Variants in PLEKHD1 observed in about 807,000 individuals in gnomAD.
The protein encoded by PLEKHD1 is pleckstrin homology domain-containing family D member 1.
PLEKHD1 carries 51 observed loss-of-function variants against 69.2 expected under a neutral mutation model. The observed-to-expected ratio is 0.74, with a 90% confidence interval of 0.59 to 0.93. The LOEUF is 0.93. Ranked by LOEUF, PLEKHD1 falls within the 40% of genes least tolerant of loss-of-function variation. The probability of loss-of-function intolerance (pLI) is 0.00; values close to 1 mark genes in which losing one functional copy is unlikely to be tolerated. For synonymous variants in PLEKHD1, 236 were observed against 244.7 expected (o/e 0.96, Z 0.33); for missense variants, 584 against 641.0 (o/e 0.91, Z 0.96).
chr14:69,478,344 A>G, the PLEKHD1 span, among the ~76,000 whole-genome samples: 1 of 152,098 alleles, frequency 6.6e-6, no homozygotes, highest in African/African-American at 2.4e-5. Flanking sequence ...TGCTGTGAAG[A>G]CCTCTGACAT....
intron 8 of PLEKHD1, 104 bp downstream of exon 8, chr14:69,524,426 G>T: frequency 1.0e-6 from 1 of 982,556 alleles, no homozygotes; most frequent in East Asian, 2.6e-5. Flanking sequence ...TGATCTGTAA[G>T]AGAAATGGGC....
chr14:69,526,949 C>G, intron 10 of PLEKHD1, 120 bp downstream of exon 10: 1 of 1,380,574 alleles, frequency 7.2e-7, no homozygotes. Flanking sequence ...GACAGCCAGG[C>G]ATGGGGGATG....
chr14:69,520,464 G>A (rs1330702647), intron 6 of PLEKHD1, among the ~76,000 whole-genome samples: 1 of 152,146 alleles, frequency 6.6e-6, no homozygotes, highest in Non-Finnish European at 1.5e-5. Context: ...AGGGATTGGG[G>A]TCTATAAGAA....
chr14:69,478,574 A>G, the PLEKHD1 span, among the ~76,000 whole-genome samples: 137 of 152,302 alleles, frequency 9.0e-4, no homozygotes, highest in Non-Finnish European at 8.5e-4. Flanking sequence ...CTTCCACCAG[A>G]TACCCTAAAT....
At chr14:69,513,125 G>A (rs370246487) in intron 6 of PLEKHD1, among the ~76,000 whole-genome samples, 5 of 151,574 alleles carry the variant, frequency 3.3e-5, no homozygotes, top group East Asian at 1.9e-4. Context: ...AGGCTGAGGC[G>A]GGAGAACCAC....
At chr14:69,470,268 A>G in the PLEKHD1 span, among the ~76,000 whole-genome samples, 1 of 151,516 alleles carries the variant, frequency 6.6e-6, no homozygotes, top group South Asian at 2.1e-4. Flanking sequence ...TTCAAGACCA[A>G]CCTGGGCAAC....
chr14:69,498,795 G>T (rs1344554670), intron 1 of PLEKHD1, among the ~76,000 whole-genome samples: 1 of 151,986 alleles, frequency 6.6e-6, no homozygotes, highest in Non-Finnish European at 1.5e-5. Context: ...TTACAGGTGT[G>T]CGCCACCACA....
chr14:69,500,467 C>A, intron 2 of PLEKHD1, 110 bp from the exon 3 acceptor site: 1 of 875,440 alleles, frequency 1.1e-6, no homozygotes, highest in Non-Finnish European at 1.7e-6. Flanking sequence ...CAGGGTCTAG[C>A]TTCCATCCTG....
chr14:69,491,749 A>C (rs1022034457), intron 1 of PLEKHD1, among the ~76,000 whole-genome samples: 4 of 152,160 alleles, frequency 2.6e-5, no homozygotes, highest in African/African-American at 9.7e-5. Flanking sequence ...CATTCAGAGC[A>C]CTGGGGAGGG....
chr14:69,491,915 C>T (rs994214517), intron 1 of PLEKHD1, among the ~76,000 whole-genome samples: 7 of 152,178 alleles, frequency 4.6e-5, no homozygotes, highest in African/African-American at 1.2e-4. Context: ...TTTAACATTT[C>T]GATGAGCCTT....
At chr14:69,486,110 G>A (rs530609961) in intron 1 of PLEKHD1, among the ~76,000 whole-genome samples, 57 of 152,256 alleles carry the variant, frequency 3.7e-4, no homozygotes, top group African/African-American at 1.3e-3. Context: ...GCCCTTCCGC[G>A]GAGGTGTGAC....
In PLEKHD1 at chr14:69,484,933, G is replaced by C; in HGVS notation, c.-33G>C. On this transcript the variant is annotated 5_prime_UTR_variant, in exon 1 of 13. Coordinates refer to ENST00000322564, the MANE Select transcript of PLEKHD1 (RefSeq NM_001161498.2). ...GTCCCTGCTGACCCCGGGGAGGTGG[G>C]GTCCGGGCCGGGCACAGCCCCGCTG... 2 of 1,544,930 alleles carry C rather than the reference G, an allele frequency of 1.3e-6. No homozygotes were observed. Among genetic ancestry groups the C allele is most frequent in the Non-Finnish European group, 8.8e-7 (1 of 1,142,754 alleles).
At chr14:69,508,052 T>C (rs554392974) in intron 6 of PLEKHD1, among the ~76,000 whole-genome samples, 1 of 152,366 alleles carries the variant, frequency 6.6e-6, no homozygotes, top group South Asian at 2.1e-4. Flanking sequence ...AATTTGCAAT[T>C]ACCTAATCAT....
intron 1 of PLEKHD1, among the ~76,000 whole-genome samples, chr14:69,498,032 G>GTTTTATTTTATTTATTTTATTTTA (rs1882924797): frequency 7.3e-6 from 1 of 137,040 alleles, no homozygotes; most frequent in African/African-American, 2.7e-5. Flanking sequence ...ATTTTATTTT[G>GTTTTATTTTATTTATTTTATTTTA]TTTTATTTTA....
chr14:69,498,913 G>T (rs1277763436), intron 1 of PLEKHD1, among the ~76,000 whole-genome samples: 1 of 152,068 alleles, frequency 6.6e-6, no homozygotes, highest in Non-Finnish European at 1.5e-5. Flanking sequence ...CTCCCAAAAT[G>T]CTGGGATTGA....
Position 69,526,098 on chromosome 14 carries a change from A to AGGAGAAGCTCCTGGC in PLEKHD1, c.900_914dup (p.Leu303_Lys307dup), listed in dbSNP as rs1883641655. 1 of 1,551,088 alleles carries AGGAGAAGCTCCTGGC rather than the reference A, an allele frequency of 6.4e-7. No homozygotes were observed. The highest frequency in any genetic ancestry group is 8.7e-7 in the Non-Finnish European group (1 of 1,146,820). On this transcript the variant is annotated inframe_insertion, in exon 9 of 13. Coordinates refer to ENST00000322564, the MANE Select transcript of PLEKHD1 (RefSeq NM_001161498.2). ...GAGGAGAAGATGCAGCAGCTCTTAG[A>AGGAGAAGCTCCTGGC]GGAGAAGCTCCTGGCAGAGAAGCGG...
chr14:69,509,771 C>T (rs1883229883), intron 6 of PLEKHD1, among the ~76,000 whole-genome samples: 1 of 152,056 alleles, frequency 6.6e-6, no homozygotes, highest in South Asian at 2.1e-4. Context: ...AACCCTGCCT[C>T]TACTAAAAAT....
chr14:69,482,893 TAAAA>T (rs200607778), upstream of PLEKHD1, among the ~76,000 whole-genome samples: 26,246 of 129,778 alleles, frequency 0.2, 2,517 homozygotes, highest in Middle Eastern at 0.31. Flanking sequence ...CCCATCTCTC[TAAAA>T]AAAAAAAAAG....
In PLEKHD1 at chr14:69,514,876, A is replaced by G. The variant is rs372650744; in HGVS notation, c.556-7407A>G. On this transcript the variant is annotated intron_variant, in intron 6 of 12. Coordinates refer to ENST00000322564, the MANE Select transcript of PLEKHD1 (RefSeq NM_001161498.2). ...AGGTTACACTCTGATAAAACAGGTT[A>G]GGCTCTGGTATAATCGTTTATGGCA... Among the ~76,000 whole-genome samples, 32 of 152,234 alleles carry G rather than the reference A, an allele frequency of 2.1e-4. No homozygotes were observed. In the South Asian group the frequency reaches 6.4e-3, roughly 31 times the overall value.
Sources: allele counts gnomAD v4.1 joint callset (sites outside exome capture counted in the v4.1 genomes callset), GRCh38; gene constraint gnomAD v4.1.1; transcripts MANE v1.5; gene names NCBI Gene and HGNC (gene_info 2026-07-23, HGNC 2026-07-21).